The following PDE4D variants were observed in gnomAD, a reference collection of about 807,000 sequenced individuals.
The protein encoded by PDE4D is 3',5'-cyclic-AMP phosphodiesterase 4D.
PDE4D carries 24 observed loss-of-function variants against 87.4 expected under a neutral mutation model. The observed-to-expected ratio is 0.27, with a 90% CI of 0.20 to 0.39. PDE4D has a LOEUF of 0.39. PDE4D is among the 10% of genes least tolerant of loss of function. PDE4D has a pLI of 1.00. For synonymous variants in PDE4D, 384 were observed against 383.2 expected (o/e 1.00, Z -0.02); for missense variants, 714 against 1,041.0 (o/e 0.69, Z 4.32).
intron 2 of PDE4D, among the ~76,000 whole-genome samples, chr5:60,074,110 T>C (rs1239215695): frequency 6.6e-6 from 1 of 152,156 alleles, no homozygotes; most frequent in Non-Finnish European, 1.5e-5. Flanking sequence ...CATTTAGTTG[T>C]GATGTTAGGT....
chr5:59,992,459 G>C (rs970009286), intron 2 of PDE4D, among the ~76,000 whole-genome samples: 1 of 152,130 alleles, frequency 6.6e-6, no homozygotes, highest in Admixed American at 6.6e-5. Flanking sequence ...TGTCCCTCTA[G>C]AGAACCCTGA....
In PDE4D at chr5:59,023,824, T is replaced by C. The variant is rs563567786; in HGVS notation, c.921+15035A>G. 6.4e-4 allele frequency among the ~76,000 whole-genome samples: 98 copies of C among 152,136 alleles called. 1 individual carries two copies. Among genetic ancestry groups the C allele is most frequent in the Non-Finnish European group, 1.3e-3 (87 of 68,034 alleles). On this transcript the variant is annotated intron_variant, in intron 6 of 14. Coordinates refer to ENST00000340635, the MANE Select transcript of PDE4D (RefSeq NM_001104631.2). ...ATGAGTTGTAGTCAGATTGTTCATATGTATCAAACAGACAATATACTGAAA... is the reference window on the plus strand; with the variant it reads ...ATGAGTTGTAGTCAGATTGTTCATACGTATCAAACAGACAATATACTGAAA...
Position 60,341,639 on chromosome 5 carries a change from C to T in PDE4D, c.-90+146303G>A, listed in dbSNP as rs140137376. On this transcript the variant is annotated intron_variant, in intron 1 of 16. Coordinates refer to the PDE4D transcript ENST00000502484. ...TTTCATACTTACTACCTTGTTAATA[C>T]TTAAAACCAAGAGAAGAAGCCCATA... 6.7e-4 allele frequency among the ~76,000 whole-genome samples: 102 copies of T among 152,272 alleles called. 1 individual carries two copies. Among genetic ancestry groups the T allele is most frequent in the African/African-American group, 2.4e-3 (99 of 41,554 alleles).
At chr5:59,634,225 G>A (rs900795283) in intron 1 of PDE4D, among the ~76,000 whole-genome samples, 1 of 152,170 alleles carries the variant, frequency 6.6e-6, no homozygotes, top group African/African-American at 2.4e-5. Context: ...AGAGCACCCA[G>A]ATTCATAATG....
chr5:59,637,653 C>T (rs192109836), intron 1 of PDE4D, among the ~76,000 whole-genome samples: 185 of 151,660 alleles, frequency 1.2e-3, no homozygotes, highest in African/African-American at 4.2e-3. Flanking sequence ...ACACAGGAAC[C>T]GAAAACCAAA....
intron 1 of PDE4D, among the ~76,000 whole-genome samples, chr5:60,348,384 C>A (rs1052046940): frequency 1.3e-5 from 2 of 151,742 alleles, no homozygotes; most frequent in South Asian, 2.1e-4. Flanking sequence ...TTGCTCCCTG[C>A]AAACTAATAT....
intron 1 of PDE4D, among the ~76,000 whole-genome samples, chr5:59,408,862 G>C (rs1323896623): frequency 6.6e-6 from 1 of 152,080 alleles, no homozygotes; most frequent in Non-Finnish European, 1.5e-5. Flanking sequence ...GAATGGAAAT[G>C]TTGGCCAGGC....
intron 11 of PDE4D, among the ~76,000 whole-genome samples, chr5:58,987,103 C>T (rs1217605518): frequency 1.3e-5 from 2 of 152,140 alleles, no homozygotes; most frequent in African/African-American, 4.8e-5. Context: ...AAAGTGCCAG[C>T]ATGCACTGTA....
intron 1 of PDE4D, among the ~76,000 whole-genome samples, chr5:59,682,415 C>T (rs1012230672): frequency 2.6e-5 from 4 of 152,132 alleles, no homozygotes; most frequent in African/African-American, 9.7e-5. Context: ...TATTCCTGCC[C>T]AAGTTGTATG....
intron 2 of PDE4D, among the ~76,000 whole-genome samples, chr5:59,200,343 A>G (rs1422086116): frequency 8.9e-6 from 1 of 112,428 alleles, no homozygotes; most frequent in Non-Finnish European, 1.8e-5. Flanking sequence ...ATGTACAGCT[A>G]CACGTATACA....
intron 6 of PDE4D, among the ~76,000 whole-genome samples, chr5:59,022,798 T>C (rs1024295369): frequency 6.6e-6 from 1 of 152,236 alleles, no homozygotes; most frequent in African/African-American, 2.4e-5. Context: ...CTAGGAATTA[T>C]ACTTTGCTGA....
At chr5:60,104,563 G>C (rs1776643818) in intron 2 of PDE4D, among the ~76,000 whole-genome samples, 1 of 152,226 alleles carries the variant, frequency 6.6e-6, no homozygotes, top group African/African-American at 2.4e-5. Flanking sequence ...GCCTCCTCAA[G>C]TGGGTCCCTG....
intron 1 of PDE4D, among the ~76,000 whole-genome samples, chr5:59,264,151 A>G (rs964683043): frequency 3.9e-5 from 6 of 151,990 alleles, no homozygotes; most frequent in South Asian, 2.1e-4. Flanking sequence ...GGCCATTTAA[A>G]TGGCAAGCAG....
chr5:59,960,758 T>C (rs1759380985), intron 3 of PDE4D, among the ~76,000 whole-genome samples: 1 of 152,156 alleles, frequency 6.6e-6, no homozygotes, highest in Non-Finnish European at 1.5e-5. Context: ...TTGGGTACTA[T>C]GTTCATTATC....
chr5:59,174,449 G>A (rs1783504689), intron 5 of PDE4D: 1 of 152,590 alleles, frequency 6.6e-6, no homozygotes, highest in Non-Finnish European at 1.5e-5. Context: ...TAAAGAGCAG[G>A]CAGCTGTACT....
chr5:60,177,710 T>C lies in PDE4D; in HGVS notation c.42+7847A>G, dbSNP rs1029071965. Among the ~76,000 whole-genome samples the C allele has an allele frequency of 6.6e-5, 10 of 152,306 alleles. 1 individual carries two copies. The South Asian group carries it at 1.7e-3, about 25-fold the overall frequency. On this transcript the variant is annotated intron_variant, in intron 2 of 16. Coordinates refer to the PDE4D transcript ENST00000502484. Reference sequence around the variant, plus strand: ...TCTAAGAAGTACACAATCTTGAAAATACATTGTCATAGCTTTGGAGTTGAA... The same window carrying C: ...TCTAAGAAGTACACAATCTTGAAAACACATTGTCATAGCTTTGGAGTTGAA...
chr5:59,371,198 G>A (rs957822039), intron 1 of PDE4D, among the ~76,000 whole-genome samples: 1 of 152,176 alleles, frequency 6.6e-6, no homozygotes, highest in African/African-American at 2.4e-5. Context: ...GAAAAGAAAG[G>A]AAAGAAAGGT....
At chr5:60,240,750 A>T (rs1186479976) in intron 1 of PDE4D, among the ~76,000 whole-genome samples, 3 of 152,120 alleles carry the variant, frequency 2.0e-5, no homozygotes, top group Non-Finnish European at 4.4e-5. Context: ...AATCCAGATG[A>T]TTCTTCTGGA....
At chr5:59,425,532 T>A (rs1450978513) in intron 1 of PDE4D, among the ~76,000 whole-genome samples, 2 of 152,122 alleles carry the variant, frequency 1.3e-5, no homozygotes, top group African/African-American at 4.8e-5. Flanking sequence ...TAGAATTGCG[T>A]CAGTTGAAAA....
Sources: gnomAD v4.1 joint callset for allele counts (sites outside exome capture counted in the v4.1 genomes callset) on GRCh38, gnomAD v4.1.1 for gene constraint, MANE v1.5 for transcripts, NCBI Gene and HGNC (gene_info 2026-07-23, HGNC 2026-07-21) for gene names.